MLLT3: variants seen among roughly 807,000 people sequenced by gnomAD.
The protein encoded by MLLT3 is MLLT3 super elongation complex subunit.
A neutral mutation model predicts 53.2 loss-of-function variants in MLLT3; 4 were observed. The ratio of observed to expected loss-of-function variants is 0.08; its 90% CI spans 0.04 to 0.17. The LOEUF (loss-of-function observed/expected upper bound fraction) is 0.17, where lower values mean the gene tolerates loss of function less well. Among genes scored for constraint, MLLT3 ranks in the 10% least tolerant of loss-of-function variants. The pLI, the probability that MLLT3 is intolerant of heterozygous loss-of-function variation, is 1.00. For missense variants in MLLT3, 569 were observed against 684.0 expected, an observed-to-expected ratio of 0.83 and a Z score of 1.87; for synonymous variants, 283 against 230.6, an observed-to-expected ratio of 1.23 and a Z score of -2.06.
chr9:20,492,577 CTAAT>C (rs1460235168), intron 2 of MLLT3, among the ~76,000 whole-genome samples: 10 of 151,724 alleles, frequency 6.6e-5, no homozygotes, highest in Non-Finnish European at 1.3e-4. Flanking sequence ...TTAATTCTAC[CTAAT>C]TAAATTTCCC....
chr9:20,527,633 T>C (rs983030166), intron 2 of MLLT3, among the ~76,000 whole-genome samples: 2 of 152,148 alleles, frequency 1.3e-5, no homozygotes, highest in Non-Finnish European at 2.9e-5. Context: ...ACAAGCAAAA[T>C]TAAAGTTCCC....
intron 7 of MLLT3, among the ~76,000 whole-genome samples, chr9:20,362,293 C>A (rs528669361): frequency 6.6e-6 from 1 of 152,248 alleles, no homozygotes; most frequent in Non-Finnish European, 1.5e-5. Flanking sequence ...CACAGAATAT[C>A]CAGATATTCT....
chr9:20,413,844 C>T lies in MLLT3; in HGVS notation c.1002G>A (p.Lys334=), dbSNP rs200791659. ...KKQIKDKSHV[K]MGKVKIESET... ...CACTTTCAATTTTGACCTTTCCCAT[C>T]TTGACATGAGATTTATCTTTTATCT... Residue 334 remains lysine (K), a synonymous_variant, in exon 5 of 11, where the codon AAG becomes AAA. Coordinates refer to ENST00000380338, the MANE Select transcript of MLLT3 (RefSeq NM_004529.4). 1 of 1,613,982 alleles carries T rather than the reference C, an allele frequency of 6.2e-7. No homozygotes were observed. The highest frequency in any genetic ancestry group is 2.2e-5 in the East Asian group (1 of 44,882).
At chr9:20,588,703 A>T (rs1004501908) in intron 2 of MLLT3, among the ~76,000 whole-genome samples, 1 of 152,170 alleles carries the variant, frequency 6.6e-6, no homozygotes, top group African/African-American at 2.4e-5. Flanking sequence ...GTATCCTGAG[A>T]CTTTGCTGAA....
intron 4 of MLLT3, among the ~76,000 whole-genome samples, chr9:20,431,867 T>C (rs1563963251): frequency 6.6e-6 from 1 of 152,008 alleles, no homozygotes; most frequent in Admixed American, 6.6e-5. Flanking sequence ...GTCAAAGTCA[T>C]AAAAAATACA....
At chr9:20,444,144 A>C (rs1823629181) in intron 4 of MLLT3, among the ~76,000 whole-genome samples, 1 of 152,190 alleles carries the variant, frequency 6.6e-6, no homozygotes, top group African/African-American at 2.4e-5. Flanking sequence ...AGTATGACTG[A>C]ATTCCAACTA....
chr9:20,453,065 T>C (rs1823875539), intron 3 of MLLT3, among the ~76,000 whole-genome samples: 1 of 152,146 alleles, frequency 6.6e-6, no homozygotes, highest in South Asian at 2.1e-4. Context: ...CAAATATACC[T>C]AGCTCAGAGA....
At chr9:20,587,541 A>T (rs1031347822) in intron 2 of MLLT3, among the ~76,000 whole-genome samples, 5 of 150,668 alleles carry the variant, frequency 3.3e-5, no homozygotes, top group Admixed American at 3.3e-4. Flanking sequence ...AGAAAAAAAA[A>T]TACTCATTTT....
At chr9:20,353,378 G>A (rs1821084638) in intron 10 of MLLT3, 147 bp downstream of exon 10, 2 of 698,316 alleles carry the variant, frequency 2.9e-6, no homozygotes, top group South Asian at 1.7e-5. Context: ...TCAGAAATGA[G>A]AACCTTTCCC....
At chr9:20,473,951 G>C (rs527489094) in intron 2 of MLLT3, among the ~76,000 whole-genome samples, 2 of 152,136 alleles carry the variant, frequency 1.3e-5, no homozygotes, top group Admixed American at 1.3e-4. Context: ...TTCCTAGAAG[G>C]CCAGAGTTGA....
intron 4 of MLLT3, among the ~76,000 whole-genome samples, chr9:20,445,162 G>C (rs1194939141): frequency 1.3e-5 from 2 of 152,034 alleles, no homozygotes; most frequent in Non-Finnish European, 2.9e-5. Context: ...GCTCCCATGA[G>C]CTGTCTAATT....
chr9:20,519,535 A>T (rs1818004931), intron 2 of MLLT3, among the ~76,000 whole-genome samples: 1 of 152,210 alleles, frequency 6.6e-6, no homozygotes, highest in Admixed American at 6.5e-5. Context: ...AACTCACAGA[A>T]TATCACTGAA....
chr9:20,467,717 TAAAC>T (rs911082716), intron 2 of MLLT3, among the ~76,000 whole-genome samples: 17 of 151,858 alleles, frequency 1.1e-4, no homozygotes, highest in African/African-American at 3.1e-4. Context: ...TTGCCCCAAA[TAAAC>T]AAAGAGAACA....
At chr9:20,575,509 A>T (rs1819630983) in intron 2 of MLLT3, among the ~76,000 whole-genome samples, 1 of 152,188 alleles carries the variant, frequency 6.6e-6, no homozygotes, top group Non-Finnish European at 1.5e-5. Context: ...TGAATTTCTT[A>T]AATAACAAAA....
intron 10 of MLLT3, among the ~76,000 whole-genome samples, chr9:20,349,574 T>C (rs2118591979): frequency 6.6e-6 from 1 of 152,272 alleles, no homozygotes; most frequent in Non-Finnish European, 1.5e-5. Context: ...AGAAAACAGT[T>C]TTCCACGACC....
intron 2 of MLLT3, among the ~76,000 whole-genome samples, chr9:20,540,611 G>A (rs1587045964): frequency 6.6e-6 from 1 of 152,200 alleles, no homozygotes; most frequent in East Asian, 1.9e-4. Flanking sequence ...GACACAGGGT[G>A]CCATGTCTTA....
intron 2 of MLLT3, among the ~76,000 whole-genome samples, chr9:20,574,685 T>C (rs1819610373): frequency 6.6e-6 from 1 of 152,196 alleles, no homozygotes; most frequent in South Asian, 2.1e-4. Context: ...TGCCTGGATG[T>C]TGATGGCTGC....
At chr9:20,586,919 A>T (rs73434559) in intron 2 of MLLT3, among the ~76,000 whole-genome samples, 4,520 of 152,128 alleles carry the variant, frequency 0.03, 189 homozygotes, top group African/African-American at 0.088. Context: ...TGTTTTTTTT[A>T]AAAATGAAAT....
Position 20,544,540 on chromosome 9 carries a change from T to C in MLLT3, c.193+76114A>G, listed in dbSNP as rs148841767. On this transcript the variant is annotated intron_variant, in intron 2 of 10. Transcript: ENST00000380338. The stretch of plus-strand genomic sequence containing the variant: ...CAAATGAAGCCACAATGAAGTACCA[T>C]CTTTTCCACGTAGGATGGCCACTAC... Among the ~76,000 whole-genome samples the C allele has an allele frequency of 9.2e-5, 14 of 152,350 alleles. No individual in the cohort carries two copies. The East Asian group carries it at 2.7e-3, about 29-fold the overall frequency.
Sources: gnomAD v4.1 joint callset for allele counts (sites outside exome capture counted in the v4.1 genomes callset) on GRCh38, gnomAD v4.1.1 for gene constraint, MANE v1.5 for transcripts, NCBI Gene and HGNC (gene_info 2026-07-23, HGNC 2026-07-21) for gene names.